Variants in SLC39A13 observed in about 807,000 individuals in gnomAD.
SLC39A13 encodes the protein zinc transporter ZIP13.
SLC39A13 carries 18 observed loss-of-function variants against 38.7 expected under a neutral mutation model. That is an observed-to-expected ratio of 0.47 (90% CI 0.32 to 0.69). The LOEUF (loss-of-function observed/expected upper bound fraction) is 0.69, where lower values mean the gene tolerates loss of function less well. SLC39A13 is among the 30% of genes least tolerant of loss of function. SLC39A13 has a pLI of 0.03. For synonymous variants in SLC39A13, 212 were observed against 219.1 expected, an observed-to-expected ratio of 0.97 and a Z score of 0.29; for missense variants, 395 against 490.7, an observed-to-expected ratio of 0.80 and a Z score of 1.84.
chr11:47,411,673 A>G (rs1053246024), intron 2 of SLC39A13, among the ~76,000 whole-genome samples: 1 of 152,236 alleles, frequency 6.6e-6, no homozygotes, highest in Non-Finnish European at 1.5e-5. Flanking sequence ...CGAGTCTCCA[A>G]AGTCATCTGC....
intron 1 of SLC39A13, among the ~76,000 whole-genome samples, chr11:47,409,389 G>T (rs1244367126): frequency 6.6e-6 from 1 of 152,226 alleles, no homozygotes; most frequent in Non-Finnish European, 1.5e-5. Flanking sequence ...GCTGAGGCAG[G>T]TGATATTGAT....
chr11:47,415,512 T>C lies in SLC39A13; in HGVS notation c.*149T>C, dbSNP rs1177524693. ...CAGGAGGGAGGTGCGTGTGGATGTA[T>C]GTGGTGTGCACATGTGGCCAGAGGT... On this transcript the variant is annotated 3_prime_UTR_variant, in exon 10 of 10. Coordinates refer to ENST00000362021, the MANE Select transcript of SLC39A13 (RefSeq NM_001128225.3). The C allele has an allele frequency of 1.1e-5, 10 of 874,594 alleles. No individual in the cohort carries two copies. The highest frequency in any genetic ancestry group is 1.9e-5 in the Non-Finnish European group (10 of 538,004). The allele number at this position is 874,594 out of a possible 1,614,324, so 54.2% of individuals were successfully genotyped here.
At chr11:47,413,308 C>T (rs1454996627) in intron 4 of SLC39A13, 92 bp from the exon 5 acceptor site, 26 of 1,319,108 alleles carry the variant, frequency 2.0e-5, no homozygotes, top group East Asian at 2.4e-5. Context: ...ACCCAGCCCC[C>T]GTCTCTCTTT....
At chr11:47,408,282 G>A (rs1163936550), upstream of SLC39A13, among the ~76,000 whole-genome samples, 1 of 152,030 alleles carries the variant, frequency 6.6e-6, no homozygotes, top group South Asian at 2.1e-4. Context: ...CGCAAGCCCC[G>A]CAGCCTGGTC....
At position 47,410,217 on chromosome 11, in the gene SLC39A13, G is replaced by T. The variant is rs2095991107; in HGVS notation, c.123G>T (p.Gly41=). Residue 41 remains glycine (G), a synonymous_variant, in exon 2 of 10, where the codon GGG becomes GGT. Transcript: ENST00000362021. ...CCCAGCCGGCCCTCCGGAGCCGGGG[G>T]ACTGCGACGGCCTGTCGCCTGGACA... The part of the protein sequence containing the change: ...GGSQPALRSR[G]TATACRLDNK... The T allele has an allele frequency of 1.9e-6, 3 of 1,614,026 alleles. No individual in the cohort carries two copies. Among genetic ancestry groups the T allele is most frequent in the Non-Finnish European group, 2.5e-6 (3 of 1,180,018 alleles).
In SLC39A13 at chr11:47,414,769, C is replaced by T; in HGVS notation, c.787-8C>T. On this transcript the variant is annotated splice_region_variant and splice_polypyrimidine_tract_variant and intron_variant, in intron 7 of 9. Transcript: ENST00000362021. The stretch of plus-strand genomic sequence containing the variant: ...GGGCGCAGGGTGAACCTCTGGACCT[C>T]CCTTCAGGTGGGCGACTTTGCCATC... 1 of 1,607,162 alleles carries T rather than the reference C, an allele frequency of 6.2e-7. No individual in the cohort carries two copies. The highest frequency in any genetic ancestry group is 8.5e-7 in the Non-Finnish European group (1 of 1,179,972).
chr11:47,410,445 T>C (rs750359188), intron 2 of SLC39A13, 50 bp downstream of exon 2: 1 of 1,605,286 alleles, frequency 6.2e-7, no homozygotes, highest in South Asian at 1.1e-5. Context: ...GTGGGAAGCA[T>C]GCTGCTGCTC....
At position 47,412,758 on chromosome 11, in the gene SLC39A13, C is replaced by CTT. The variant is rs1187342398; in HGVS notation, c.537+311_537+312dup. Among the ~76,000 whole-genome samples the CTT allele has an allele frequency of 3.6e-3, 409 of 115,054 alleles. 3 individuals are homozygous for CTT. The highest frequency in any genetic ancestry group is 5.2e-3 in the South Asian group (18 of 3,478). 75.5% of individuals were successfully genotyped at this position (115,054 alleles called of 152,430 possible). On this transcript the variant is annotated intron_variant, in intron 4 of 9. Coordinates refer to ENST00000362021, the MANE Select transcript of SLC39A13 (RefSeq NM_001128225.3). ...AGCTAGAAAAAACAGGGGTTCCTAT[C>CTT]TTTTTTTTTTTTTTTTTTTTTGAGA...
intron 4 of SLC39A13, 79 bp from the exon 5 acceptor site, chr11:47,413,321 C>T: frequency 7.0e-7 from 1 of 1,433,768 alleles, no homozygotes; most frequent in Non-Finnish European, 9.8e-7. Context: ...CTCTCTTTCT[C>T]CATCTCTCTC....
intron 6 of SLC39A13, chr11:47,414,178 C>T (rs1595885182): frequency 1.6e-6 from 1 of 613,832 alleles, no homozygotes; most frequent in East Asian, 2.7e-5. Flanking sequence ...CTCCCCTGGG[C>T]ACTCTATCCA....
Position 47,415,730 on chromosome 11 carries a change from C to A in SLC39A13, c.*367C>A. ...CTGGGACCCCGGGAGTGAGAGCAGC[C>A]CAAGGATCCAGGGTGCAGGGAACTC... On this transcript the variant is annotated 3_prime_UTR_variant, in exon 10 of 10. Coordinates refer to ENST00000362021, the MANE Select transcript of SLC39A13 (RefSeq NM_001128225.3). 1 of 251,070 alleles carries A rather than the reference C, an allele frequency of 4.0e-6. No individual in the cohort carries two copies. The highest frequency in any genetic ancestry group is 7.3e-6 in the Non-Finnish European group (1 of 136,416). The allele number at this position is 251,070 out of a possible 1,614,324, so 15.6% of individuals were successfully genotyped here. A position where few individuals can be genotyped will look rare whatever the true frequency, so the allele number is the denominator to read the frequency against.
chr11:47,416,195 CCCTTT>C lies in SLC39A13; in HGVS notation c.*837_*841del, dbSNP rs769194749. 1.3e-5 allele frequency: 2 copies of C among 152,954 alleles called. No individual in the cohort carries two copies. The highest frequency in any genetic ancestry group is 2.9e-5 in the Non-Finnish European group (2 of 68,326). 9.5% of individuals were successfully genotyped at this position (152,954 alleles called of 1,614,324 possible). ...CCGGGCAGCCCTGCCCAGCTCAGGCCCCTTTCCTTCCCCATTGAGGTTGGGGTAGG... is the reference window on the plus strand; with the variant it reads ...CCGGGCAGCCCTGCCCAGCTCAGGCCCCTTCCCCATTGAGGTTGGGGTAGG... On this transcript the variant is annotated 3_prime_UTR_variant, in exon 10 of 10. Transcript: ENST00000362021.
rs764735345 is a variant in SLC39A13 at position 47,415,136 on chromosome 11, C to T, written c.1017C>T (p.Asp339=). Residue 339 remains aspartate (D), a synonymous_variant, in exon 9 of 10, where the codon GAC becomes GAT. Transcript: ENST00000362021. ...LYIALVNVLP[D]LLEEEDPWRS... is the part of the protein sequence containing the mutation. The stretch of plus-strand genomic sequence containing the variant: ...TCGCCTTGGTGAACGTGCTCCCTGA[C>T]CTCTTGGAAGAAGAGGACCCGTGGT... 6.2e-7 allele frequency: 1 copy of T among 1,612,582 alleles called. No homozygotes were observed. Among genetic ancestry groups the T allele is most frequent in the Non-Finnish European group, 8.5e-7 (1 of 1,179,320 alleles).
upstream of SLC39A13, among the ~76,000 whole-genome samples, chr11:47,407,708 T>C (rs1043689203): frequency 3.3e-5 from 5 of 152,222 alleles, no homozygotes; most frequent in Non-Finnish European, 5.9e-5. Flanking sequence ...GGCTCTGCCA[T>C]CTGTGCCACT....
rs142853258 is a variant in SLC39A13, at chr11:47,414,048, G to A, written c.735+362G>A. The A allele has an allele frequency of 3.8e-3, 2,359 of 620,838 alleles. 7 individuals are homozygous for A. Among genetic ancestry groups the A allele is most frequent in the Middle Eastern group, 5.8e-3 (23 of 3,934 alleles). The allele number at this position is 620,838 out of a possible 1,614,324, so 38.5% of individuals were successfully genotyped here. On this transcript the variant is annotated intron_variant, in intron 6 of 9. Transcript: ENST00000362021. ...CCACCTCACACTGTTCCCCCTGCCT[G>A]GAATGTTCTCCCGCCCACGCTTCGA...
intron 1 of SLC39A13, chr11:47,409,664 G>A (rs1372110131): frequency 1.9e-5 from 4 of 211,666 alleles, no homozygotes; most frequent in Non-Finnish European, 3.9e-5. Flanking sequence ...GTTTCCCCAC[G>A]TATGTCTCTC....
chr11:47,410,650 G>C (rs935680673), intron 2 of SLC39A13, among the ~76,000 whole-genome samples: 5 of 152,094 alleles, frequency 3.3e-5, no homozygotes, highest in African/African-American at 4.8e-5. Flanking sequence ...GCACGGGTGG[G>C]AGCTTTGTCC....
intron 6 of SLC39A13, 119 bp downstream of exon 6, chr11:47,413,805 T>C: frequency 9.3e-7 from 1 of 1,071,244 alleles, no homozygotes; most frequent in African/African-American, 1.6e-5. Context: ...TCTAAGGCTC[T>C]CATCCCCCAT....
rs545115230 is a variant in SLC39A13, at chr11:47,412,273, A to G, written c.416-73A>G. On this transcript the variant is annotated intron_variant, in intron 3 of 9. Coordinates refer to ENST00000362021, the MANE Select transcript of SLC39A13 (RefSeq NM_001128225.3). ...GCCCTGGTGCCCTGGATGAGATCCC[A>G]TTCCAAATGGCCCCCTCCTATGGCC... 58 of 1,550,428 alleles carry G rather than the reference A, an allele frequency of 3.7e-5. No homozygotes were observed. The African/African-American group carries it at 7.6e-4, about 20-fold the overall frequency.
Sources: gnomAD v4.1 joint callset for allele counts (sites outside exome capture counted in the v4.1 genomes callset) on GRCh38, gnomAD v4.1.1 for gene constraint, MANE v1.5 for transcripts, NCBI Gene and HGNC (gene_info 2026-07-23, HGNC 2026-07-21) for gene names.